The following COPS2 variants were observed in gnomAD, a reference collection of about 807,000 sequenced individuals.
The protein encoded by COPS2 is COP9 signalosome subunit 2.
In COPS2, 10 loss-of-function variants were observed where a neutral mutation model predicts 66.1. The observed-to-expected ratio is 0.15, with a 90% CI of 0.09 to 0.26. The LOEUF (loss-of-function observed/expected upper bound fraction) is 0.26, where lower values mean the gene tolerates loss of function less well. COPS2 is among the 10% of genes least tolerant of loss of function. The pLI, the probability that COPS2 is intolerant of heterozygous loss-of-function variation, is 1.00. For synonymous variants in COPS2, 179 were observed against 171.3 expected (o/e 1.04, Z -0.35); for missense variants, 215 against 513.3 (o/e 0.42, Z 5.62).
At position 49,124,380 on chromosome 15, in the gene COPS2, C is replaced by CAAAACA. The variant is rs898177302; in HGVS notation, c.*3564_*3569dup. 1 of 148,398 alleles carries CAAAACA rather than the reference C, an allele frequency of 6.7e-6. No individual in the cohort carries two copies. The highest frequency in any genetic ancestry group is 1.5e-5 in the Non-Finnish European group (1 of 66,994). The allele number at this position is 148,398 out of a possible 1,614,324, so 9.2% of individuals were successfully genotyped here. A position where few individuals can be genotyped will look rare whatever the true frequency, so the allele number is the denominator to read the frequency against. On this transcript the variant is annotated 3_prime_UTR_variant, in exon 13 of 13. Coordinates refer to ENST00000388901, the MANE Select transcript of COPS2 (RefSeq NM_004236.4). ...AGAGCGAAACTGTTTCCAAAAAAAG[C>CAAAACA]AAAACAAAAACAAAAACAAAAAAAC...
chr15:49,131,170 G>C (rs2084205652), intron 9 of COPS2, among the ~76,000 whole-genome samples: 1 of 151,992 alleles, frequency 6.6e-6, no homozygotes, highest in Non-Finnish European at 1.5e-5. Flanking sequence ...AAATGAAATT[G>C]TGCATTTAAT....
chr15:49,147,977 A>G (rs755076290), intron 1 of COPS2, among the ~76,000 whole-genome samples: 1 of 152,180 alleles, frequency 6.6e-6, no homozygotes, highest in African/African-American at 2.4e-5. Flanking sequence ...ATGATCTGCA[A>G]CGCCATGTTC....
intron 4 of COPS2, among the ~76,000 whole-genome samples, chr15:49,138,242 C>T (rs1187232945): frequency 6.6e-6 from 1 of 152,052 alleles, no homozygotes; most frequent in African/African-American, 2.4e-5. Context: ...TCTGGCTTTG[C>T]CTTTGTTTGA....
chr15:49,143,018 G>A (rs71394957), intron 3 of COPS2, among the ~76,000 whole-genome samples: 1 of 152,112 alleles, frequency 6.6e-6, no homozygotes. Context: ...GTGACGATGG[G>A]AAGAATGCTA....
intron 6 of COPS2, among the ~76,000 whole-genome samples, chr15:49,134,881 T>C (rs957603362): frequency 2.1e-4 from 30 of 145,520 alleles, no homozygotes; most frequent in African/African-American, 7.0e-4. Flanking sequence ...TTGGAAACCA[T>C]GACCTTAAGC....
intron 6 of COPS2, 112 bp from the exon 7 acceptor site, chr15:49,134,626 C>T (rs1400304567): frequency 4.5e-6 from 4 of 880,082 alleles, no homozygotes; most frequent in East Asian, 2.7e-5. Flanking sequence ...GAAAACACAA[C>T]ACAAATTTTA....
intron 2 of COPS2, 24 bp downstream of exon 2, chr15:49,144,941 A>G (rs1595824845): frequency 7.6e-7 from 1 of 1,317,940 alleles, no homozygotes; most frequent in Middle Eastern, 2.2e-4. Context: ...TAACACATAG[A>G]ATCAAATGGA....
At chr15:49,153,430 A>G (rs937135900) in intron 1 of COPS2, among the ~76,000 whole-genome samples, 2 of 152,234 alleles carry the variant, frequency 1.3e-5, no homozygotes, top group Non-Finnish European at 2.9e-5. Flanking sequence ...GAAAGTGGAG[A>G]AAACAGAACT....
chr15:49,132,476 G>A (rs2084218101), intron 9 of COPS2, among the ~76,000 whole-genome samples: 1 of 148,066 alleles, frequency 6.8e-6, no homozygotes, highest in Non-Finnish European at 1.5e-5. Flanking sequence ...TTATATGTAG[G>A]TGACCCATAA....
At chr15:49,148,882 C>T (rs1472278041) in intron 1 of COPS2, among the ~76,000 whole-genome samples, 1 of 152,126 alleles carries the variant, frequency 6.6e-6, no homozygotes, top group Non-Finnish European at 1.5e-5. Flanking sequence ...CTATCAAAGG[C>T]TTGGTAACAC....
rs866807621 is a variant in COPS2 at position 49,129,557 on chromosome 15, G to T, written c.1048C>A (p.Leu350Ile). ...DPFIREHIEE[L>I]LRNIRTQVLI... is the part of the protein sequence containing the mutation. ...ACTTGTGTTCTGATGTTTCGCAAAA[G>T]CTCTGAAAGACAAAAAATTAAAATA... The change falls in exon 11 of 13, where the codon CTT becomes ATT. Residue 350 changes from leucine (L) to isoleucine (I), a missense_variant and splice_region_variant. This residue lies in a region of COPS2 where 56 missense variants were observed against 173.6 expected (regional missense o/e 0.32). Transcript: ENST00000388901. 1 of 1,481,788 alleles carries T rather than the reference G, an allele frequency of 6.7e-7. No homozygotes were observed. The highest frequency in any genetic ancestry group is 9.0e-7 in the Non-Finnish European group (1 of 1,108,276). The allele number at this position is 1,481,788 out of a possible 1,614,324, so 91.8% of individuals were successfully genotyped here. A position where few individuals can be genotyped will look rare whatever the true frequency, so the allele number is the denominator to read the frequency against.
chr15:49,132,254 CAAAT>C (rs1303745682), intron 9 of COPS2, among the ~76,000 whole-genome samples: 1 of 151,102 alleles, frequency 6.6e-6, no homozygotes, highest in East Asian at 1.9e-4. Flanking sequence ...CCTAATTCAA[CAAAT>C]AAATTAAAAT....
Position 49,133,827 on chromosome 15 carries a change from A to G in COPS2, c.895-16T>C, listed in dbSNP as rs2084233058. On this transcript the variant is annotated splice_polypyrimidine_tract_variant and intron_variant, in intron 8 of 12. Transcript: ENST00000388901. The stretch of plus-strand genomic sequence containing the variant: ...ACGGCTTGGCCTAAACACAGTAAAG[A>G]AAAAAATTAAATATATGTACAAAGA... 1 of 1,567,932 alleles carries G rather than the reference A, an allele frequency of 6.4e-7. No homozygotes were observed. Among genetic ancestry groups the G allele is most frequent in the African/African-American group, 1.4e-5 (1 of 72,372 alleles).
At chr15:49,145,411 G>A (rs1319346109) in intron 1 of COPS2, among the ~76,000 whole-genome samples, 2 of 152,072 alleles carry the variant, frequency 1.3e-5, no homozygotes, top group Non-Finnish European at 2.9e-5. Context: ...CTAAGCTTTC[G>A]TTAGTCATGA....
chr15:49,147,480 T>C (rs922628776), intron 1 of COPS2, among the ~76,000 whole-genome samples: 2 of 152,134 alleles, frequency 1.3e-5, no homozygotes, highest in Non-Finnish European at 2.9e-5. Flanking sequence ...AGGACTAGTA[T>C]TTTGGAGCTT....
chr15:49,134,694 T>A (rs1277593886), intron 6 of COPS2, among the ~76,000 whole-genome samples, 180 bp from the exon 7 acceptor site: 1 of 152,174 alleles, frequency 6.6e-6, no homozygotes, highest in Non-Finnish European at 1.5e-5. Context: ...AACTAATACA[T>A]CCTTTCTACT....
At chr15:49,151,648 G>A (rs1402541804) in intron 1 of COPS2, among the ~76,000 whole-genome samples, 2 of 151,932 alleles carry the variant, frequency 1.3e-5, no homozygotes, top group Non-Finnish European at 2.9e-5. Context: ...CTATAAACCT[G>A]TAAAATTAGC....
At chr15:49,145,622 AAC>A (rs956958042) in intron 1 of COPS2, among the ~76,000 whole-genome samples, 10 of 152,150 alleles carry the variant, frequency 6.6e-5, no homozygotes, top group African/African-American at 2.4e-4. Context: ...TGCACTATAC[AAC>A]AGCTGTTTAT....
intron 1 of COPS2, among the ~76,000 whole-genome samples, chr15:49,154,109 A>G (rs1480838409): frequency 1.3e-5 from 2 of 152,226 alleles, no homozygotes; most frequent in Non-Finnish European, 2.9e-5. Flanking sequence ...TGATCACTAC[A>G]TATCCTGTGC....
Sources: allele counts gnomAD v4.1 joint callset (sites outside exome capture counted in the v4.1 genomes callset), GRCh38; gene constraint gnomAD v4.1.1; regional missense constraint gnomAD v4.1.1; transcripts MANE v1.5; gene names NCBI Gene and HGNC (gene_info 2026-07-23, HGNC 2026-07-21).